BCL2: variants seen among roughly 807,000 people sequenced by gnomAD.
BCL2 encodes the protein apoptosis regulator Bcl-2.
Under a neutral mutation model 14.2 loss-of-function variants are expected in BCL2, and 1 was observed. The ratio of observed to expected loss-of-function variants is 0.07; its 90% CI spans 0.02 to 0.33. The LOEUF (loss-of-function observed/expected upper bound fraction) is 0.33. Among genes scored for constraint, BCL2 ranks in the 10% least tolerant of loss-of-function variants. The probability of loss-of-function intolerance (pLI) is 0.99; values close to 1 mark genes in which losing one functional copy is unlikely to be tolerated. For missense variants in BCL2, 247 were observed against 305.9 expected, an observed-to-expected ratio of 0.81 and a Z score of 1.44; for synonymous variants, 151 against 137.2, an observed-to-expected ratio of 1.10 and a Z score of -0.70.
intron 2 of BCL2, among the ~76,000 whole-genome samples, chr18:63,204,194 G>A (rs1383933624): frequency 6.6e-6 from 1 of 152,170 alleles, no homozygotes; most frequent in African/African-American, 2.4e-5. Context: ...CAAAAGACTG[G>A]AAATAAACAG....
intron 2 of BCL2, among the ~76,000 whole-genome samples, chr18:63,273,856 G>C (rs930308964): frequency 6.6e-6 from 1 of 152,070 alleles, no homozygotes; most frequent in African/African-American, 2.4e-5. Flanking sequence ...TTTGTTGCTT[G>C]GTCTTTACAA....
chr18:63,294,529 G>A (rs1270014314), intron 2 of BCL2, among the ~76,000 whole-genome samples: 3 of 152,040 alleles, frequency 2.0e-5, no homozygotes, highest in Admixed American at 1.3e-4. Context: ...AATTAGCTGG[G>A]TGTGGTGGCA....
intron 2 of BCL2, among the ~76,000 whole-genome samples, chr18:63,169,760 T>C (rs1915179111): frequency 6.6e-6 from 1 of 152,012 alleles, no homozygotes. Flanking sequence ...CTTGACCTCA[T>C]GATCCACCCG....
intron 2 of BCL2, among the ~76,000 whole-genome samples, chr18:63,286,348 AT>A (rs753667880): frequency 2.0e-5 from 3 of 152,218 alleles, no homozygotes; most frequent in Admixed American, 1.3e-4. Context: ...TACAAAACCT[AT>A]TGTATATATA....
At chr18:63,173,671 G>C (rs749057580) in intron 2 of BCL2, among the ~76,000 whole-genome samples, 1 of 152,138 alleles carries the variant, frequency 6.6e-6, no homozygotes, top group Non-Finnish European at 1.5e-5. Flanking sequence ...CTCATCTGGA[G>C]TTAAGCTCAG....
chr18:63,162,689 G>T (rs935853699), intron 2 of BCL2, among the ~76,000 whole-genome samples: 2 of 152,044 alleles, frequency 1.3e-5, no homozygotes, highest in African/African-American at 4.8e-5. Flanking sequence ...CTATGCTCTT[G>T]GCACAATTAA....
At chr18:63,172,418 T>A (rs527964331) in intron 2 of BCL2, among the ~76,000 whole-genome samples, 9 of 152,140 alleles carry the variant, frequency 5.9e-5, no homozygotes, top group Non-Finnish European at 4.4e-5. Context: ...ATCAGAATAT[T>A]ATTATTTTCC....
intron 2 of BCL2, chr18:63,150,989 G>A (rs1914638247): frequency 6.6e-6 from 1 of 151,960 alleles, no homozygotes; most frequent in Non-Finnish European, 1.5e-5. Flanking sequence ...TTCACCTTGA[G>A]CTCTCTTTGT....
At chr18:63,220,819 G>GA (rs71162607) in intron 2 of BCL2, among the ~76,000 whole-genome samples, 28,564 of 137,568 alleles carry the variant, frequency 0.21, 2,995 homozygotes, top group Admixed American at 0.27. Flanking sequence ...TCTTCAAGGA[G>GA]AAAAAAAAAA....
chr18:63,178,401 G>C (rs1173489063), intron 2 of BCL2, among the ~76,000 whole-genome samples: 5 of 152,182 alleles, frequency 3.3e-5, no homozygotes, highest in African/African-American at 1.2e-4. Flanking sequence ...CCTCCCATGC[G>C]CAAGGCGGAT....
At chr18:63,228,850 A>G (rs1910616260) in intron 2 of BCL2, among the ~76,000 whole-genome samples, 1 of 152,174 alleles carries the variant, frequency 6.6e-6, no homozygotes, top group Non-Finnish European at 1.5e-5. Flanking sequence ...CTGGGACTAC[A>G]GGCATGTGCC....
At chr18:63,178,248 G>A (rs1599227258) in intron 2 of BCL2, among the ~76,000 whole-genome samples, 2 of 152,176 alleles carry the variant, frequency 1.3e-5, no homozygotes, top group Admixed American at 1.3e-4. Context: ...ACCTGGCTGT[G>A]GTCCGCCGCT....
chr18:63,177,223 T>A (rs1037921271), intron 2 of BCL2, among the ~76,000 whole-genome samples: 4 of 151,392 alleles, frequency 2.6e-5, no homozygotes, highest in Non-Finnish European at 4.4e-5. Flanking sequence ...AAAAATAAAT[T>A]AAAAAAAAAG....
chr18:63,292,622 C>T (rs1041211920), intron 2 of BCL2, among the ~76,000 whole-genome samples: 3 of 152,142 alleles, frequency 2.0e-5, no homozygotes, highest in East Asian at 1.9e-4. Context: ...AATAAACCGT[C>T]GTTGAAGAAA....
At chr18:63,244,728 G>A (rs1228041664) in intron 2 of BCL2, among the ~76,000 whole-genome samples, 3 of 152,116 alleles carry the variant, frequency 2.0e-5, no homozygotes, top group South Asian at 2.1e-4. Flanking sequence ...CATTTCATCC[G>A]TCCTAGGCAG....
intron 2 of BCL2, among the ~76,000 whole-genome samples, chr18:63,274,277 CT>C (rs74169950): frequency 0.013 from 1,168 of 86,726 alleles, 9 homozygotes; most frequent in East Asian, 0.047. Context: ...TAAAGATACT[CT>C]TTTTTTTTTT....
At chr18:63,160,989 CA>C (rs1467555163) in intron 2 of BCL2, among the ~76,000 whole-genome samples, 1 of 152,100 alleles carries the variant, frequency 6.6e-6, no homozygotes, top group Non-Finnish European at 1.5e-5. Flanking sequence ...GTCTTCACGG[CA>C]AAAACAATTC....
intron 2 of BCL2, among the ~76,000 whole-genome samples, chr18:63,222,435 C>G (rs1293584670): frequency 6.6e-6 from 1 of 151,550 alleles, no homozygotes; most frequent in Non-Finnish European, 1.5e-5. Context: ...AACTTTAAAT[C>G]CTAAGAACTG....
intron 2 of BCL2, among the ~76,000 whole-genome samples, chr18:63,228,328 A>G (rs946566587): frequency 9.2e-5 from 14 of 152,220 alleles, no homozygotes; most frequent in African/African-American, 3.4e-4. Flanking sequence ...TATATAAGCA[A>G]TATAAACATC....
Sources: gnomAD v4.1 joint callset for allele counts (sites outside exome capture counted in the v4.1 genomes callset) on GRCh38, gnomAD v4.1.1 for gene constraint, MANE v1.5 for transcripts, NCBI Gene and HGNC (gene_info 2026-07-23, HGNC 2026-07-21) for gene names.